NUP107: variants seen among roughly 807,000 people sequenced by gnomAD.
NUP107 encodes the protein nucleoporin 107.
A neutral mutation model predicts 141.0 loss-of-function variants in NUP107; 101 were observed. The ratio of observed to expected loss-of-function variants is 0.72; its 90% CI spans 0.61 to 0.84. The LOEUF (loss-of-function observed/expected upper bound fraction) is 0.84. Ranked by LOEUF, NUP107 falls within the 40% of genes least tolerant of loss-of-function variation. NUP107 has a pLI of 0.00. For synonymous variants in NUP107, 319 were observed against 363.9 expected (o/e 0.88, Z 1.41); for missense variants, 941 against 1,102.7 (o/e 0.85, Z 2.08).
intron 8 of NUP107, 108 bp downstream of exon 8, chr12:68,702,892 G>A: frequency 3.7e-6 from 2 of 546,372 alleles, no homozygotes; most frequent in East Asian, 3.8e-5. Context: ...TGCCCAGGCT[G>A]GAGGGCAATG....
chr12:68,722,071 A>C, intron 16 of NUP107, 33 bp from the exon 17 acceptor site: 1 of 1,611,216 alleles, frequency 6.2e-7, no homozygotes, highest in Non-Finnish European at 8.5e-7. Flanking sequence ...TCATATTATT[A>C]ACATTATTCT....
chr12:68,710,527 C>T (rs1876796177), intron 10 of NUP107, among the ~76,000 whole-genome samples: 1 of 151,762 alleles, frequency 6.6e-6, no homozygotes, highest in Admixed American at 6.6e-5. Flanking sequence ...TGGTGACGCA[C>T]ACCTGTAATC....
chr12:68,702,279 G>A (rs1402019727), intron 7 of NUP107, among the ~76,000 whole-genome samples: 2 of 151,916 alleles, frequency 1.3e-5, no homozygotes, highest in African/African-American at 4.8e-5. Flanking sequence ...GAGAGCCACC[G>A]TACCTGGCCT....
intron 23 of NUP107, 47 bp downstream of exon 23, chr12:68,732,786 C>T (rs1263518277): frequency 1.6e-6 from 2 of 1,252,138 alleles, no homozygotes; most frequent in South Asian, 2.6e-5. Flanking sequence ...CTCCATTCTT[C>T]TTCCTACCTC....
chr12:68,699,835 T>C (rs1419649389), intron 6 of NUP107, among the ~76,000 whole-genome samples: 1 of 152,168 alleles, frequency 6.6e-6, no homozygotes, highest in East Asian at 1.9e-4. Flanking sequence ...TGTATGTTTC[T>C]AGGGGGACCA....
chr12:68,724,946 A>G (rs1877498294), intron 17 of NUP107, among the ~76,000 whole-genome samples: 1 of 152,204 alleles, frequency 6.6e-6, no homozygotes. Flanking sequence ...AACTAGATCC[A>G]AGTATATATG....
intron 10 of NUP107, among the ~76,000 whole-genome samples, chr12:68,712,462 C>T (rs1371435852): frequency 6.8e-6 from 1 of 146,742 alleles, no homozygotes; most frequent in African/African-American, 2.5e-5. Context: ...GCCAGATTGC[C>T]TTTGAATTCA....
chr12:68,693,698 C>T (rs1875921749), intron 5 of NUP107, among the ~76,000 whole-genome samples: 1 of 152,156 alleles, frequency 6.6e-6, no homozygotes, highest in African/African-American at 2.4e-5. Flanking sequence ...GATACAGTAT[C>T]ACTAGAAGGT....
At chr12:68,712,664 A>T (rs1284982849) in intron 10 of NUP107, among the ~76,000 whole-genome samples, 1 of 150,102 alleles carries the variant, frequency 6.7e-6, no homozygotes, top group Non-Finnish European at 1.5e-5. Flanking sequence ...TTTAGTTAAA[A>T]TGCCCTGTTG....
chr12:68,709,931 A>G, intron 9 of NUP107, 74 bp from the exon 10 acceptor site: 1 of 820,600 alleles, frequency 1.2e-6, no homozygotes, highest in Non-Finnish European at 2.0e-6. Flanking sequence ...AATTAAGGGT[A>G]GTAGTACCAC....
intron 5 of NUP107, among the ~76,000 whole-genome samples, chr12:68,692,590 C>CA (rs66730715): frequency 6.3e-4 from 89 of 140,790 alleles, no homozygotes; most frequent in African/African-American, 1.3e-3. Context: ...AAAAAAAAAA[C>CA]AAAAAAAAAA....
At chr12:68,699,710 A>G (rs933968674) in intron 6 of NUP107, among the ~76,000 whole-genome samples, 2 of 152,166 alleles carry the variant, frequency 1.3e-5, no homozygotes, top group African/African-American at 4.8e-5. Context: ...GGTGTTCTGA[A>G]TGAGAGCAGT....
intron 6 of NUP107, among the ~76,000 whole-genome samples, chr12:68,697,694 G>C (rs1035309254): frequency 6.6e-6 from 1 of 152,014 alleles, no homozygotes; most frequent in Non-Finnish European, 1.5e-5. Context: ...ATGGGAACAG[G>C]CACCTCACCA....
rs1875522428 is a variant in NUP107 at position 68,686,988 on chromosome 12, C to T, written c.-78C>T. 1.9e-6 allele frequency: 3 copies of T among 1,587,240 alleles called. No individual in the cohort carries two copies. The highest frequency in any genetic ancestry group is 3.3e-5 in the Admixed American group (2 of 59,876). On this transcript the variant is annotated 5_prime_UTR_variant, in exon 1 of 28. Transcript: ENST00000229179. ...GACTGCTTCCGGGTCGAAGGGCTTG[C>T]TTCCGGAGAGCGGGAAGGCTAAAAC...
At chr12:68,706,709 G>A in intron 8 of NUP107, 1 of 751,112 alleles carries the variant, frequency 1.3e-6, no homozygotes, top group South Asian at 1.4e-5. Flanking sequence ...AGGTGGGCGG[G>A]CCAAGCAGGA....
intron 6 of NUP107, among the ~76,000 whole-genome samples, chr12:68,698,773 G>A (rs1876186869): frequency 6.6e-6 from 1 of 152,186 alleles, no homozygotes; most frequent in Non-Finnish European, 1.5e-5. Context: ...TCAGTTGCCA[G>A]GAGTTAGTTG....
intron 8 of NUP107, among the ~76,000 whole-genome samples, chr12:68,707,697 TTACATTA>T (rs1876659045): frequency 6.6e-6 from 1 of 152,246 alleles, no homozygotes; most frequent in African/African-American, 2.4e-5. Context: ...TATGTAGCAT[TTACATTA>T]TATTAGATAT....
chr12:68,725,835 G>GTTTT (rs373156654), intron 18 of NUP107, 39 bp downstream of exon 18: 10 of 693,270 alleles, frequency 1.4e-5, no homozygotes, highest in Non-Finnish European at 1.9e-5. Context: ...TTTTTTGTGT[G>GTTTT]TGTTTTTTTT....
intron 11 of NUP107, chr12:68,714,220 A>G (rs1327809149): frequency 6.5e-6 from 1 of 154,438 alleles, no homozygotes; most frequent in Non-Finnish European, 1.4e-5. Flanking sequence ...GAATTATTCT[A>G]AAAACAAAGG....
Sources: gnomAD v4.1 joint callset for allele counts (sites outside exome capture counted in the v4.1 genomes callset) on GRCh38, gnomAD v4.1.1 for gene constraint, MANE v1.5 for transcripts, NCBI Gene and HGNC (gene_info 2026-07-23, HGNC 2026-07-21) for gene names.